RBFOX2: variants seen among roughly 807,000 people sequenced by gnomAD.
The protein encoded by RBFOX2 is RNA binding fox-1 homolog 2.
Under a neutral mutation model 49.1 loss-of-function variants are expected in RBFOX2, and 10 were observed. The observed-to-expected ratio is 0.20, with a 90% confidence interval of 0.13 to 0.35. The LOEUF is 0.35. Among genes scored for constraint, RBFOX2 ranks in the 10% least tolerant of loss-of-function variants. The probability of loss-of-function intolerance (pLI) is 1.00; values close to 1 mark genes in which losing one functional copy is unlikely to be tolerated. For synonymous variants in RBFOX2, 183 were observed against 187.4 expected (o/e 0.98, Z 0.19); for missense variants, 323 against 486.9 (o/e 0.66, Z 3.17).
intron 1 of RBFOX2, chr22:35,992,435 C>G (rs1254144898): frequency 6.6e-6 from 1 of 152,156 alleles, no homozygotes; most frequent in Non-Finnish European, 1.5e-5. Flanking sequence ...AGGCAACAAA[C>G]TAACAATCCA....
chr22:35,763,952 A>G (rs1345576318), intron 6 of RBFOX2, among the ~76,000 whole-genome samples: 1 of 152,220 alleles, frequency 6.6e-6, no homozygotes, highest in Non-Finnish European at 1.5e-5. Context: ...TCTTTCTGTC[A>G]CAATATTTCC....
chr22:35,840,653 T>TGTGTGA, upstream of RBFOX2: 1 of 1,027,710 alleles, frequency 9.7e-7, no homozygotes, highest in Non-Finnish European at 1.2e-6. Context: ...TGTGTGTGTG[T>TGTGTGA]GTGTAGGGGG....
intron 1 of RBFOX2, among the ~76,000 whole-genome samples, chr22:35,855,569 C>T (rs2042414550): frequency 6.6e-6 from 1 of 152,044 alleles, no homozygotes; most frequent in Non-Finnish European, 1.5e-5. Flanking sequence ...TGGCTCCTGG[C>T]TAATTTTTTC....
chr22:35,876,933 C>T (rs906463231), intron 1 of RBFOX2, among the ~76,000 whole-genome samples: 1 of 152,144 alleles, frequency 6.6e-6, no homozygotes, highest in Admixed American at 6.6e-5. Context: ...ATAAGAGATA[C>T]TTTTCCCCCA....
chr22:35,774,596 A>G (rs1418540460), intron 4 of RBFOX2, among the ~76,000 whole-genome samples: 1 of 152,194 alleles, frequency 6.6e-6, no homozygotes, highest in Non-Finnish European at 1.5e-5. Flanking sequence ...TATGATATAT[A>G]TTCATTCTAT....
In RBFOX2 at chr22:35,898,695, G is replaced by A. The variant is rs539761953; in HGVS notation, c.-34+40152C>T. Among the ~76,000 whole-genome samples the A allele has an allele frequency of 3.9e-5, 6 of 152,102 alleles. 1 individual carries two copies. In the South Asian group the frequency reaches 1.2e-3, roughly 32 times the overall value. ...CACCTGCCTGGGCCTCCCAAAGTGT[G>A]GGATTACAAGCATGAGCCACCATGA... is the stretch of plus-strand genomic sequence containing the variant. On this transcript the variant is annotated intron_variant, in intron 1 of 13. Coordinates refer to the RBFOX2 transcript ENST00000359369.
intron 2 of RBFOX2, among the ~76,000 whole-genome samples, chr22:35,793,247 G>A (rs1015466384): frequency 3.3e-5 from 5 of 152,180 alleles, no homozygotes; most frequent in African/African-American, 1.2e-4. Context: ...GGTGGCAGGC[G>A]CCTGTAATTC....
At chr22:35,761,505 T>G in intron 6 of RBFOX2, 37 bp from the exon 8 acceptor site, 1 of 1,608,348 alleles carries the variant, frequency 6.2e-7, no homozygotes, top group South Asian at 1.1e-5. Context: ...CATTTAAGAC[T>G]GTTTGAGGAA....
At chr22:35,994,779 A>T (rs1051340891) in intron 1 of RBFOX2, 1 of 152,086 alleles carries the variant, frequency 6.6e-6, no homozygotes, top group Admixed American at 6.6e-5. Context: ...CGATCCTCCC[A>T]CCTCAGCCTC....
intron 1 of RBFOX2, among the ~76,000 whole-genome samples, chr22:35,954,562 AACTACCTAAAAC>A (rs2055333741): frequency 6.6e-6 from 1 of 152,194 alleles, no homozygotes; most frequent in South Asian, 2.1e-4. Flanking sequence ...GGCCAGGGTT[AACTACCTAAAAC>A]ACCACTCATA....
rs113048275 is a variant in RBFOX2, at chr22:36,018,523, T to G, written c.186+9717A>C. ...TGTGGAAAGAGACGGAGCTTGAAAGTTACGCAGAAGTCAGGCCAAACAAGA... is the reference window on the plus strand; with the variant it reads ...TGTGGAAAGAGACGGAGCTTGAAAGGTACGCAGAAGTCAGGCCAAACAAGA... On this transcript the variant is annotated intron_variant, in intron 1 of 13. Coordinates refer to the RBFOX2 transcript ENST00000438146. 2.2e-3 allele frequency among the ~76,000 whole-genome samples: 342 copies of G among 152,240 alleles called. 1 individual carries two copies. Among genetic ancestry groups the G allele is most frequent in the African/African-American group, 8.1e-3 (336 of 41,530 alleles).
intron 1 of RBFOX2, among the ~76,000 whole-genome samples, chr22:35,821,411 G>A (rs1954441439): frequency 6.6e-6 from 1 of 151,794 alleles, no homozygotes; most frequent in Non-Finnish European, 1.5e-5. Context: ...AGACCAGCCT[G>A]GCCAACATGG....
intron 1 of RBFOX2, among the ~76,000 whole-genome samples, chr22:36,026,733 A>T (rs2059453428): frequency 1.3e-5 from 2 of 152,236 alleles, no homozygotes; most frequent in African/African-American, 4.8e-5. Flanking sequence ...TCTAATGGAA[A>T]ATAAAAGCAG....
At chr22:35,832,021 T>G (rs760351784) in intron 1 of RBFOX2, among the ~76,000 whole-genome samples, 2 of 152,222 alleles carry the variant, frequency 1.3e-5, no homozygotes, top group Non-Finnish European at 2.9e-5. Flanking sequence ...GTAATATCCC[T>G]TCATTTTTGA....
intron 1 of RBFOX2, among the ~76,000 whole-genome samples, chr22:35,831,765 C>A (rs930759910): frequency 4.6e-5 from 7 of 152,130 alleles, no homozygotes; most frequent in Non-Finnish European, 7.4e-5. Flanking sequence ...TTCCAAACTT[C>A]TTATGAGGAA....
chr22:35,956,798 A>G (rs1188262826), intron 1 of RBFOX2, among the ~76,000 whole-genome samples: 1 of 152,254 alleles, frequency 6.6e-6, no homozygotes, highest in Non-Finnish European at 1.5e-5. Flanking sequence ...TGTCATACTT[A>G]GTATGCAGCA....
intron 1 of RBFOX2, among the ~76,000 whole-genome samples, chr22:35,913,216 A>C (rs1361624240): frequency 2.0e-5 from 3 of 152,118 alleles, no homozygotes; most frequent in Non-Finnish European, 4.4e-5. Flanking sequence ...GCTGGTGCCT[A>C]TAATCCCAGC....
At position 35,869,469 on chromosome 22, in the gene RBFOX2, C is replaced by CAAAAAAA. The variant is rs35854576; in HGVS notation, c.-33-59472_-33-59466dup. Among the ~76,000 whole-genome samples the CAAAAAAA allele has an allele frequency of 2.3e-4, 7 of 30,570 alleles. 1 individual carries two copies. The highest frequency in any genetic ancestry group is 3.3e-4 in the Non-Finnish European group (5 of 15,374). The allele number at this position is 30,570 out of a possible 152,430, so 20.1% of individuals were successfully genotyped here. On this transcript the variant is annotated intron_variant, in intron 1 of 13. Transcript: ENST00000359369. ...CCACCACACCCAGCCAACGGCTGACCAAAAAAAAAAAAAAAAAAAAAAAAA... is the reference window on the plus strand; with the variant it reads ...CCACCACACCCAGCCAACGGCTGACCAAAAAAAAAAAAAAAAAAAAAAAAAAAAAAAA...
intron 4 of RBFOX2, among the ~76,000 whole-genome samples, chr22:35,769,019 AGTG>A (rs1941896230): frequency 6.6e-6 from 1 of 152,228 alleles, no homozygotes; most frequent in African/African-American, 2.4e-5. Flanking sequence ...ATCACTAAGC[AGTG>A]GTCAATTATA....
Sources: gnomAD v4.1 joint callset for allele counts (sites outside exome capture counted in the v4.1 genomes callset) on GRCh38, gnomAD v4.1.1 for gene constraint, MANE v1.5 for transcripts, NCBI Gene and HGNC (gene_info 2026-07-23, HGNC 2026-07-21) for gene names.